Variants in BTBD9 observed in about 807,000 individuals in gnomAD.
BTBD9 encodes BTB domain containing 9, also known as BTB/POZ domain-containing protein 9.
BTBD9 carries 49 observed loss-of-function variants against 64.3 expected under a neutral mutation model. The ratio of observed to expected loss-of-function variants is 0.76; its 90% CI spans 0.61 to 0.97. The LOEUF is 0.97. BTBD9 is among the 50% of genes least tolerant of loss of function. The pLI is 0.00. For missense variants in BTBD9, 598 were observed against 762.1 expected, an observed-to-expected ratio of 0.78 and a Z score of 2.53; for synonymous variants, 260 against 274.7, an observed-to-expected ratio of 0.95 and a Z score of 0.53.
intron 6 of BTBD9, among the ~76,000 whole-genome samples, chr6:38,379,161 G>T (rs1168754477): frequency 6.6e-6 from 1 of 152,192 alleles, no homozygotes; most frequent in Non-Finnish European, 1.5e-5. Context: ...AGGAGATAAA[G>T]CTTGGGGTCT....
At chr6:38,384,804 A>T (rs904541069) in intron 6 of BTBD9, among the ~76,000 whole-genome samples, 7 of 152,304 alleles carry the variant, frequency 4.6e-5, no homozygotes, top group Admixed American at 2.0e-4. Flanking sequence ...GTATGTCATA[A>T]ACTGACAAAA....
intron 1 of BTBD9, among the ~76,000 whole-genome samples, chr6:38,618,071 C>G (rs1777850446): frequency 6.6e-6 from 1 of 152,274 alleles, no homozygotes; most frequent in East Asian, 1.9e-4. Context: ...CAGCAGGGTC[C>G]AGGGACCATT....
Position 38,580,435 on chromosome 6 carries a change from G to C in BTBD9, c.817C>G (p.Pro273Ala). 1 of 1,611,188 alleles carries C rather than the reference G, an allele frequency of 6.2e-7. No homozygotes were observed. The highest frequency in any genetic ancestry group is 8.5e-7 in the Non-Finnish European group (1 of 1,178,194). ...TTCATAGTTGCAATGTTTTCTTCTG[G>C]TACTACAGTTAAAAATAGAAAAAGC... Reference protein sequence around the residue: ...MDLNYRGMLIPEENIATMKYG... With the variant: ...MDLNYRGMLIAEENIATMKYG... Residue 273 changes from proline to alanine, a missense_variant and splice_region_variant, in exon 5 of 11, where the codon CCA (proline) becomes GCA (alanine). Pro to Ala is a conservative substitution (Grantham distance 27). Transcript: ENST00000481247.
At chr6:38,379,619 GA>G (rs66898218) in intron 6 of BTBD9, among the ~76,000 whole-genome samples, 8,666 of 151,856 alleles carry the variant, frequency 0.057, 816 homozygotes, top group African/African-American at 0.19. Flanking sequence ...TATCTCTTAA[GA>G]AAAAAAGGAA....
chr6:38,423,265 C>T (rs1767988426), intron 6 of BTBD9, among the ~76,000 whole-genome samples: 1 of 151,820 alleles, frequency 6.6e-6, no homozygotes, highest in Non-Finnish European at 1.5e-5. Context: ...ACTCTGTCCC[C>T]CCCAAAAAAT....
At chr6:38,446,218 C>T (rs1769271728) in intron 6 of BTBD9, among the ~76,000 whole-genome samples, 2 of 152,110 alleles carry the variant, frequency 1.3e-5, no homozygotes, top group South Asian at 4.1e-4. Context: ...TGTAAACCAT[C>T]ACAAGAGATT....
At chr6:38,385,940 GCATGCCAC>G (rs1193646968) in intron 6 of BTBD9, among the ~76,000 whole-genome samples, 3 of 151,744 alleles carry the variant, frequency 2.0e-5, no homozygotes, top group Non-Finnish European at 4.4e-5. Flanking sequence ...GACTACAGGT[GCATGCCAC>G]CATGCCTAAT....
At chr6:38,219,853 C>T (rs1478487355) in intron 9 of BTBD9, among the ~76,000 whole-genome samples, 1 of 152,196 alleles carries the variant, frequency 6.6e-6, no homozygotes, top group Non-Finnish European at 1.5e-5. Context: ...TTGGCTATCT[C>T]TGCCATCTTT....
intron 9 of BTBD9, among the ~76,000 whole-genome samples, chr6:38,213,817 T>G (rs1057235407): frequency 2.6e-5 from 4 of 151,568 alleles, no homozygotes; most frequent in African/African-American, 7.3e-5. Context: ...CCATCTCTAC[T>G]AAAAATACAA....
intron 9 of BTBD9, among the ~76,000 whole-genome samples, chr6:38,226,259 C>T (rs1012403310): frequency 2.0e-5 from 3 of 152,150 alleles, no homozygotes; most frequent in Non-Finnish European, 4.4e-5. Context: ...CTGATCCCCG[C>T]GCCTGCACAG....
At chr6:38,306,826 A>G (rs76022782) in intron 7 of BTBD9, among the ~76,000 whole-genome samples, 7,823 of 152,304 alleles carry the variant, frequency 0.051, 291 homozygotes, top group Admixed American at 0.08. Context: ...GTAAAAGGAA[A>G]TAACACTTAG....
Position 38,520,712 on chromosome 6 carries a change from C to T in BTBD9, c.1154+56888G>A, listed in dbSNP as rs184103375. On this transcript the variant is annotated intron_variant, in intron 6 of 10. Coordinates refer to ENST00000481247, the MANE Select transcript of BTBD9 (RefSeq NM_001099272.2). ...CTTTGTAAGGCTGAGGTGGGAGGAG[C>T]GCTTTAGCTCAAGAGTTCGAGACCA... 4.6e-4 allele frequency among the ~76,000 whole-genome samples: 70 copies of T among 151,780 alleles called. No homozygotes were observed. In the East Asian group the frequency reaches 0.01, roughly 22 times the overall value.
intron 1 of BTBD9, among the ~76,000 whole-genome samples, chr6:38,600,470 G>A (rs1353077137): frequency 6.6e-6 from 1 of 152,076 alleles, no homozygotes; most frequent in African/African-American, 2.4e-5. Context: ...ATGTTCCTAT[G>A]ATCATTTCCT....
intron 9 of BTBD9, among the ~76,000 whole-genome samples, chr6:38,194,596 C>T (rs1762210850): frequency 6.6e-6 from 1 of 152,166 alleles, no homozygotes; most frequent in Non-Finnish European, 1.5e-5. Flanking sequence ...CAACAACATG[C>T]GTGTGGCTCT....
intron 6 of BTBD9, among the ~76,000 whole-genome samples, chr6:38,518,590 A>C (rs1773143998): frequency 6.6e-6 from 1 of 152,244 alleles, no homozygotes; most frequent in Admixed American, 6.5e-5. Flanking sequence ...ATGATGGCAG[A>C]GTCTAAAAAA....
At chr6:38,303,452 C>T (rs1762486682) in intron 7 of BTBD9, among the ~76,000 whole-genome samples, 1 of 152,096 alleles carries the variant, frequency 6.6e-6, no homozygotes, top group Non-Finnish European at 1.5e-5. Context: ...CATCTTAACA[C>T]TGTTTTTATG....
intron 6 of BTBD9, among the ~76,000 whole-genome samples, chr6:38,373,965 T>C (rs1402654010): frequency 6.6e-6 from 1 of 151,720 alleles, no homozygotes; most frequent in Admixed American, 6.6e-5. Context: ...TTCTGAAAAA[T>C]CAGCTTTTTA....
At chr6:38,546,888 G>A (rs950211152) in intron 6 of BTBD9, among the ~76,000 whole-genome samples, 1 of 152,038 alleles carries the variant, frequency 6.6e-6, no homozygotes, top group South Asian at 2.1e-4. Context: ...GACTGGTCTC[G>A]AACTCCCGAC....
At chr6:38,302,295 TG>T (rs1762433028) in intron 7 of BTBD9, among the ~76,000 whole-genome samples, 1 of 151,902 alleles carries the variant, frequency 6.6e-6, no homozygotes, top group Admixed American at 6.6e-5. Flanking sequence ...TCTCAGCCTC[TG>T]GTAACCACTA....
Sources: allele counts gnomAD v4.1 joint callset (sites outside exome capture counted in the v4.1 genomes callset), GRCh38; gene constraint gnomAD v4.1.1; transcripts MANE v1.5; gene names NCBI Gene and HGNC (gene_info 2026-07-23, HGNC 2026-07-21).